Variants in IGF1R observed in about 807,000 individuals in gnomAD.
IGF1R encodes insulin-like growth factor 1 receptor.
Under a neutral mutation model 144.6 loss-of-function variants are expected in IGF1R, and 44 were observed. That is an observed-to-expected ratio of 0.30 (90% CI 0.24 to 0.39). The LOEUF is 0.39. Among genes scored for constraint, IGF1R ranks in the 10% least tolerant of loss-of-function variants. IGF1R has a pLI of 1.00. For missense variants in IGF1R, 1,355 were observed against 1,833.7 expected (o/e 0.74, Z 4.77); for synonymous variants, 795 against 722.8 (o/e 1.10, Z -1.60).
At chr15:98,825,549 C>G (rs1169685770) in intron 2 of IGF1R, among the ~76,000 whole-genome samples, 1 of 152,114 alleles carries the variant, frequency 6.6e-6, no homozygotes, top group African/African-American at 2.4e-5. Flanking sequence ...AGTGAGAACC[C>G]TATTGTGAAC....
intron 1 of IGF1R, among the ~76,000 whole-genome samples, chr15:98,694,423 G>C (rs1362869732): frequency 6.6e-6 from 1 of 152,042 alleles, no homozygotes; most frequent in Admixed American, 6.5e-5. Context: ...TTGAACTGCT[G>C]TGTGGCTCTA....
At chr15:98,800,800 G>A (rs1435196095) in intron 2 of IGF1R, among the ~76,000 whole-genome samples, 4 of 152,178 alleles carry the variant, frequency 2.6e-5, no homozygotes, top group Non-Finnish European at 5.9e-5. Flanking sequence ...CTGCTGGGGC[G>A]AAGCAGGCTT....
chr15:98,785,415 T>A (rs1038349866), intron 2 of IGF1R, among the ~76,000 whole-genome samples: 3 of 152,208 alleles, frequency 2.0e-5, no homozygotes, highest in African/African-American at 7.2e-5. Flanking sequence ...TTTGAGAATG[T>A]CAAGTAATAG....
chr15:98,882,292 G>T (rs2013424601), intron 2 of IGF1R, among the ~76,000 whole-genome samples: 2 of 152,246 alleles, frequency 1.3e-5, no homozygotes, highest in African/African-American at 4.8e-5. Context: ...TGAGGGCTGG[G>T]GAGGGTCCAG....
intron 20 of IGF1R, among the ~76,000 whole-genome samples, chr15:98,955,395 A>G (rs961212420): frequency 1.4e-4 from 21 of 152,206 alleles, no homozygotes; most frequent in African/African-American, 4.6e-4. Flanking sequence ...CGACGTGGTA[A>G]ATAAACATTT....
intron 2 of IGF1R, among the ~76,000 whole-genome samples, chr15:98,842,944 T>A (rs756587085): frequency 1.3e-5 from 2 of 152,210 alleles, no homozygotes; most frequent in African/African-American, 2.4e-5. Context: ...TCATTTGAAT[T>A]TTTGCTGTTA....
At chr15:98,694,340 C>A (rs1396204439) in intron 1 of IGF1R, among the ~76,000 whole-genome samples, 2 of 152,164 alleles carry the variant, frequency 1.3e-5, no homozygotes, top group Non-Finnish European at 2.9e-5. Context: ...CATTAATCCT[C>A]CACGACAATC....
chr15:98,822,955 T>G (rs1275603769), intron 2 of IGF1R, among the ~76,000 whole-genome samples: 1 of 152,228 alleles, frequency 6.6e-6, no homozygotes, highest in African/African-American at 2.4e-5. Flanking sequence ...GTGGTTTCTA[T>G]TTTAGAGTTT....
Position 98,922,250 on chromosome 15 carries a change from G to A in IGF1R, c.2304G>A (p.Pro768=), listed in dbSNP as rs561613742. The change falls in exon 11 of 21, where the codon CCG becomes CCA. Residue 768 remains proline (P), a synonymous_variant. Transcript: ENST00000650285. ...TAADTYNITD[P]EELETEYPFF... ...CAGACACCTACAACATCACCGACCC[G>A]GAAGAGCTGGAGACAGAGTACCCTT... 78 of 1,614,170 alleles carry A rather than the reference G, an allele frequency of 4.8e-5. No individual in the cohort carries two copies. In the South Asian group the frequency reaches 5.7e-4, roughly 12 times the overall value.
chr15:98,814,250 A>G (rs1008797022), intron 2 of IGF1R, among the ~76,000 whole-genome samples: 4 of 152,200 alleles, frequency 2.6e-5, no homozygotes, highest in Non-Finnish European at 5.9e-5. Context: ...TCTGGCATGA[A>G]TGATACATCA....
At chr15:98,845,435 CCCT>C (rs1158300630) in intron 2 of IGF1R, among the ~76,000 whole-genome samples, 11 of 105,326 alleles carry the variant, frequency 1.0e-4, no homozygotes, top group East Asian at 7.0e-4. Context: ...TTCCTCCCCT[CCCT>C]CCTCCTCCTC....
At chr15:98,737,016 G>A (rs1231683468) in intron 2 of IGF1R, among the ~76,000 whole-genome samples, 2 of 152,144 alleles carry the variant, frequency 1.3e-5, no homozygotes, top group Non-Finnish European at 2.9e-5. Flanking sequence ...GTAGAACTAA[G>A]ATGTATTCAA....
chr15:98,926,605 AAAG>A (rs2015730896), intron 13 of IGF1R, among the ~76,000 whole-genome samples: 1 of 152,250 alleles, frequency 6.6e-6, no homozygotes, highest in African/African-American at 2.4e-5. Context: ...TAATTTTAAA[AAAG>A]ATCTCCAGTA....
At chr15:98,862,522 C>T (rs2141586530) in intron 2 of IGF1R, among the ~76,000 whole-genome samples, 1 of 152,294 alleles carries the variant, frequency 6.6e-6, no homozygotes, top group Non-Finnish European at 1.5e-5. Context: ...CTCTAGGAAT[C>T]ATCTGTAAAA....
chr15:98,777,224 TTGCCGCAG>T (rs1419300048), intron 2 of IGF1R, among the ~76,000 whole-genome samples: 1 of 152,230 alleles, frequency 6.6e-6, no homozygotes, highest in Non-Finnish European at 1.5e-5. Context: ...GATTTTGCAC[TTGCCGCAG>T]TGGAGACATT....
intron 2 of IGF1R, among the ~76,000 whole-genome samples, chr15:98,862,572 T>C (rs75232998): frequency 0.015 from 2,229 of 152,346 alleles, 52 homozygotes; most frequent in African/African-American, 0.051. Context: ...GGATTCACCT[T>C]ATTTATTAAG....
At chr15:98,955,433 C>A (rs1391180562) in intron 20 of IGF1R, among the ~76,000 whole-genome samples, 2 of 152,266 alleles carry the variant, frequency 1.3e-5, no homozygotes, top group Non-Finnish European at 2.9e-5. Flanking sequence ...AGTCTCTGTC[C>A]TAATGTCCTC....
chr15:98,922,568 A>G, intron 11 of IGF1R, 137 bp downstream of exon 11: 1 of 1,029,386 alleles, frequency 9.7e-7, no homozygotes, highest in Non-Finnish European at 1.5e-6. Flanking sequence ...ACGTGCAGTC[A>G]TTGGCAGGTG....
chr15:98,936,231 G>A (rs533541408), intron 17 of IGF1R, among the ~76,000 whole-genome samples: 2 of 152,266 alleles, frequency 1.3e-5, no homozygotes, highest in East Asian at 3.9e-4. Flanking sequence ...CTCAGCTGCA[G>A]GATTTCTGCT....
Sources: allele counts gnomAD v4.1 joint callset (sites outside exome capture counted in the v4.1 genomes callset), GRCh38; gene constraint gnomAD v4.1.1; transcripts MANE v1.5; gene names NCBI Gene and HGNC (gene_info 2026-07-23, HGNC 2026-07-21).